RNF19B: variants seen among roughly 807,000 people sequenced by gnomAD.
RNF19B encodes E3 ubiquitin-protein ligase RNF19B.
Under a neutral mutation model 65.5 loss-of-function variants are expected in RNF19B, and 23 were observed. The observed-to-expected ratio is 0.35, with a 90% CI of 0.25 to 0.50. RNF19B has a LOEUF of 0.50. Among genes scored for constraint, RNF19B ranks in the 20% least tolerant of loss-of-function variants. The pLI, the probability that RNF19B is intolerant of heterozygous loss-of-function variation, is 0.98. For synonymous variants in RNF19B, 372 were observed against 379.6 expected (o/e 0.98, Z 0.23); for missense variants, 794 against 980.0 (o/e 0.81, Z 2.53).
At chr1:32,957,974 C>A (rs1160719191) in intron 1 of RNF19B, among the ~76,000 whole-genome samples, 5 of 152,216 alleles carry the variant, frequency 3.3e-5, no homozygotes, top group African/African-American at 4.8e-5. Flanking sequence ...GTACCACACT[C>A]TTCTAGAGCC....
intron 1 of RNF19B, among the ~76,000 whole-genome samples, chr1:32,960,327 C>A (rs1460216814): frequency 3.3e-5 from 5 of 152,178 alleles, no homozygotes; most frequent in Non-Finnish European, 7.3e-5. Flanking sequence ...GAGGGGAGAC[C>A]TGATCAATTT....
rs370533666 is a variant in RNF19B, at chr1:32,937,102, G to T, written c.1900C>A (p.Pro634Thr). The T allele has an allele frequency of 2.5e-6, 4 of 1,614,170 alleles. No homozygotes were observed. Among genetic ancestry groups the T allele is most frequent in the Non-Finnish European group, 2.5e-6 (3 of 1,180,028 alleles). ...GSGGGGSEED[P>T]PCRHQSCEQK... ...TCACAGCTTTGGTGTCTGCAGGGGG[G>T]ATCCTCTTCACTGCCTCCGCCACCA... Residue 634 changes from proline (P) to threonine (T), a missense_variant, in exon 9 of 9, where the codon CCC (proline) becomes ACC (threonine). Pro to Thr is a conservative substitution (Grantham distance 38, BLOSUM62 -1). This residue lies in a region of RNF19B where 368 missense variants were observed against 447.3 expected (regional missense o/e 0.82). Coordinates refer to ENST00000235150, the MANE Select transcript of RNF19B (RefSeq NM_001300826.2).
At chr1:32,963,956 T>TCCCTGCTTGGGACACCCACGCGGGGTC in intron 1 of RNF19B, 95 bp downstream of exon 1, 3 of 1,352,144 alleles carry the variant, frequency 2.2e-6, no homozygotes, top group Non-Finnish European at 2.8e-6. Context: ...CTTGCGGGTT[T>TCCCTGCTTGGGACACCCACGCGGGGTC]CCCTGCTTGG....
At chr1:32,951,954 C>T (rs1014871830) in intron 1 of RNF19B, among the ~76,000 whole-genome samples, 6 of 146,552 alleles carry the variant, frequency 4.1e-5, no homozygotes, top group Non-Finnish European at 7.5e-5. Context: ...GCCACCACGC[C>T]CGGCTTTTTT....
chr1:32,939,987 G>A (rs892555652), intron 7 of RNF19B, among the ~76,000 whole-genome samples: 5 of 152,184 alleles, frequency 3.3e-5, no homozygotes, highest in African/African-American at 1.2e-4. Context: ...ATGCACAGAC[G>A]GGTCAGTAGC....
At chr1:32,941,765 G>A (rs1223145055) in intron 7 of RNF19B, among the ~76,000 whole-genome samples, 1 of 151,622 alleles carries the variant, frequency 6.6e-6, no homozygotes, top group Non-Finnish European at 1.5e-5. Context: ...CATAACTGAC[G>A]TAACCTTTTT....
chr1:32,959,999 A>T (rs769245660), intron 1 of RNF19B, among the ~76,000 whole-genome samples: 11 of 151,948 alleles, frequency 7.2e-5, no homozygotes, highest in Non-Finnish European at 1.5e-4. Flanking sequence ...TGCACTGAGC[A>T]GAGATGGTGC....
In RNF19B at chr1:32,936,884, T is replaced by C. The variant is rs777947420; in HGVS notation, c.2118A>G (p.Pro706=). 13 of 1,613,428 alleles carry C rather than the reference T, an allele frequency of 8.1e-6. No homozygotes were observed. The Admixed American group carries it at 1.7e-4, about 21-fold the overall frequency. Reference sequence around the variant, plus strand: ...GGGCAGAGAGGTTCATATGGGCACTTGGGCTCGGTGCACCTTGGGCTCTGG... The same window carrying C: ...GGGCAGAGAGGTTCATATGGGCACTCGGGCTCGGTGCACCTTGGGCTCTGG... The part of the protein sequence containing the change: ...STPRAQGAPS[P]SAHMNLSALA... Residue 706 remains proline (P), a synonymous_variant, in exon 9 of 9, where the codon CCA becomes CCG. Transcript: ENST00000235150.
Position 32,946,393 on chromosome 1 carries a change from C to A in RNF19B, c.1146+9G>T. The A allele has an allele frequency of 6.2e-7, 1 of 1,612,960 alleles. No individual in the cohort carries two copies. Among genetic ancestry groups the A allele is most frequent in the Non-Finnish European group, 8.5e-7 (1 of 1,179,340 alleles). On this transcript the variant is annotated intron_variant, in intron 4 of 8. Coordinates refer to ENST00000235150, the MANE Select transcript of RNF19B (RefSeq NM_001300826.2). The stretch of plus-strand genomic sequence containing the variant: ...GAAACAAGCACAGAAACCAGCATGT[C>A]TTTCTTACCTTCCTTCCAACATAAA...
At chr1:32,954,611 T>C (rs1642590004) in intron 1 of RNF19B, among the ~76,000 whole-genome samples, 1 of 151,572 alleles carries the variant, frequency 6.6e-6, no homozygotes, top group Non-Finnish European at 1.5e-5. Context: ...TGGTGGCGCA[T>C]GCCTGTAATC....
At position 32,964,767 on chromosome 1, in the gene RNF19B, C is replaced by A; in HGVS notation, c.-82G>T. 2 of 1,218,036 alleles carry A rather than the reference C, an allele frequency of 1.6e-6. No homozygotes were observed. Among genetic ancestry groups the A allele is most frequent in the South Asian group, 2.1e-5 (1 of 48,082 alleles). 75.5% of individuals were successfully genotyped at this position (1,218,036 alleles called of 1,614,324 possible). On this transcript the variant is annotated 5_prime_UTR_variant, in exon 1 of 9. Coordinates refer to ENST00000235150, the MANE Select transcript of RNF19B (RefSeq NM_001300826.2). The surrounding 1 kb of genome is among the most constrained non-coding windows in gnomAD (Gnocchi z 6.5). ...GCGCCCCTCAGCCAGCGCCCGGCCG[C>A]CGCCGACGCCGCCACCACCGCCTCA...
intron 1 of RNF19B, among the ~76,000 whole-genome samples, chr1:32,958,760 AATG>A (rs910390575): frequency 3.9e-5 from 6 of 152,188 alleles, no homozygotes; most frequent in African/African-American, 1.4e-4. Flanking sequence ...AAGGAGCTTA[AATG>A]ATAAGGGTAG....
chr1:32,933,189 T>C (rs1290919128), downstream of RNF19B, among the ~76,000 whole-genome samples: 5 of 152,218 alleles, frequency 3.3e-5, no homozygotes, highest in Admixed American at 3.3e-4. Context: ...GCGGTAGGTA[T>C]TTCAGAATGA....
At chr1:32,956,330 T>C (rs1312763808) in intron 1 of RNF19B, among the ~76,000 whole-genome samples, 1 of 152,144 alleles carries the variant, frequency 6.6e-6, no homozygotes, top group Non-Finnish European at 1.5e-5. Flanking sequence ...TGAGCCGAGA[T>C]TGCACCACTG....
intron 5 of RNF19B, among the ~76,000 whole-genome samples, chr1:32,944,454 C>T (rs1213075136): frequency 1.2e-4 from 19 of 152,166 alleles, no homozygotes; most frequent in Admixed American, 1.2e-3. Flanking sequence ...ATATATGTTG[C>T]TTTCATTTTC....
intron 7 of RNF19B, among the ~76,000 whole-genome samples, chr1:32,940,946 G>A (rs1184452696): frequency 1.3e-5 from 2 of 152,196 alleles, no homozygotes; most frequent in Admixed American, 1.3e-4. Flanking sequence ...TAAACCAGCT[G>A]GGGGCAATGG....
intron 8 of RNF19B, 188 bp downstream of exon 8, chr1:32,938,209 C>A: frequency 4.5e-6 from 2 of 441,568 alleles, no homozygotes; most frequent in Admixed American, 4.2e-5. Flanking sequence ...AAAAATCAAG[C>A]GCTAACAAGA....
In RNF19B at chr1:32,942,300, C is replaced by A; in HGVS notation, c.1562G>T (p.Gly521Val). 2 of 1,613,592 alleles carry A rather than the reference C, an allele frequency of 1.2e-6. No homozygotes were observed. The highest frequency in any genetic ancestry group is 1.7e-6 in the Non-Finnish European group (2 of 1,179,510). The change falls in exon 7 of 9, where the codon GGC (glycine) becomes GTC (valine). Residue 521 changes from glycine (G) to valine (V), a missense_variant. Gly to Val is a moderately radical substitution (Grantham distance 109, BLOSUM62 -3). Around this residue, in one of 3 missense-constraint regions of RNF19B, gnomAD observed 368 missense variants for 447.3 expected, o/e 0.82. Transcript: ENST00000235150. Reference protein sequence around the residue: ...ETASFAALSGGTLSGGILSSG... With the variant: ...ETASFAALSGVTLSGGILSSG... Reference sequence around the variant, plus strand: ...GGAGAGAATGCCGCCACTCAGCGTGCCCCCTGAGAGGGCTGCAAAGCTGGC... The same window carrying A: ...GGAGAGAATGCCGCCACTCAGCGTGACCCCTGAGAGGGCTGCAAAGCTGGC...
intron 7 of RNF19B, among the ~76,000 whole-genome samples, chr1:32,941,402 T>C (rs2124117649): frequency 6.6e-6 from 1 of 151,878 alleles, no homozygotes; most frequent in Middle Eastern, 3.4e-3. Flanking sequence ...TAGCCAGGCA[T>C]GGTGGTGCAC....
Sources: gnomAD v4.1 joint callset for allele counts (sites outside exome capture counted in the v4.1 genomes callset) on GRCh38, gnomAD v4.1.1 for gene constraint, gnomAD v4.1.1 regional missense constraint, Gnocchi (gnomAD v3.1) non-coding constraint, MANE v1.5 for transcripts, NCBI Gene and HGNC (gene_info 2026-07-23, HGNC 2026-07-21) for gene names.